The following PREX1 variants were observed in gnomAD, a reference collection of about 807,000 sequenced individuals.
The protein encoded by PREX1 is phosphatidylinositol 3,4,5-trisphosphate-dependent Rac exchanger 1 protein.
A neutral mutation model predicts 198.3 loss-of-function variants in PREX1; 41 were observed. That is an observed-to-expected ratio of 0.21 (90% confidence interval 0.16 to 0.27). PREX1 has a LOEUF of 0.27. PREX1 is among the 10% of genes least tolerant of loss of function. The pLI is 1.00. For missense variants in PREX1, 1,620 were observed against 2,200.7 expected (o/e 0.74, Z 5.28); for synonymous variants, 843 against 887.2 (o/e 0.95, Z 0.89).
the PREX1 span, among the ~76,000 whole-genome samples, chr20:48,867,012 C>T: frequency 7.9e-4 from 120 of 152,228 alleles, no homozygotes; most frequent in African/African-American, 2.7e-3. Flanking sequence ...CAGCTCCCCA[C>T]TTAGGGTTTA....
chr20:48,778,670 T>C (rs1364116258), intron 1 of PREX1, among the ~76,000 whole-genome samples: 1 of 152,018 alleles, frequency 6.6e-6, no homozygotes, highest in Non-Finnish European at 1.5e-5. Context: ...CACAGATCAA[T>C]GGAACAGAAA....
At chr20:48,649,915 G>T in intron 24 of PREX1, 81 bp downstream of exon 24, 1 of 1,503,352 alleles carries the variant, frequency 6.7e-7, no homozygotes, top group Non-Finnish European at 9.2e-7. Context: ...AGCCCTGGAC[G>T]GCTGACCTTC....
At chr20:48,688,930 C>T in intron 9 of PREX1, 126 bp from the exon 10 acceptor site, 1 of 1,050,508 alleles carries the variant, frequency 9.5e-7, no homozygotes, top group Non-Finnish European at 1.4e-6. Flanking sequence ...ACCTGCCCTC[C>T]ACCACCACCA....
intron 5 of PREX1, among the ~76,000 whole-genome samples, chr20:48,720,772 A>C (rs2122678982): frequency 6.6e-6 from 1 of 151,832 alleles, no homozygotes; most frequent in East Asian, 1.9e-4. Context: ...AGTCCATCCC[A>C]GGAGCGCGGA....
Position 48,666,426 on chromosome 20 carries a change from C to T in PREX1, c.1666-71G>A. 1 of 1,302,556 alleles carries T rather than the reference C, an allele frequency of 7.7e-7. No homozygotes were observed. Among genetic ancestry groups the T allele is most frequent in the African/African-American group, 1.5e-5 (1 of 68,232 alleles). 80.7% of individuals were successfully genotyped at this position (1,302,556 alleles called of 1,614,324 possible). On this transcript the variant is annotated intron_variant, in intron 14 of 39. Coordinates refer to ENST00000371941, the MANE Select transcript of PREX1 (RefSeq NM_020820.4). This position sits in a 1 kb window ranked among gnomAD's most constrained non-coding sequence, Gnocchi z 4.3. Reference sequence around the variant, plus strand: ...GAGGCCATGCATGGCCAACGAGAAGCCCACAACCACCCAAGAAGGTAGGCT... The same window carrying T: ...GAGGCCATGCATGGCCAACGAGAAGTCCACAACCACCCAAGAAGGTAGGCT...
At chr20:48,883,029 G>A in the PREX1 span, among the ~76,000 whole-genome samples, 1 of 151,338 alleles carries the variant, frequency 6.6e-6, no homozygotes, top group African/African-American at 2.4e-5. Context: ...AGCCTCCCGG[G>A]TTCAAGCGAC....
chr20:48,751,693 G>A (rs988687306), intron 1 of PREX1, among the ~76,000 whole-genome samples: 2 of 152,144 alleles, frequency 1.3e-5, no homozygotes, highest in Admixed American at 6.5e-5. Context: ...TCTCATCTCC[G>A]AAGCCTCCCT....
chr20:48,815,071 C>A (rs1410318513), intron 1 of PREX1, among the ~76,000 whole-genome samples: 2 of 152,172 alleles, frequency 1.3e-5, no homozygotes, highest in Admixed American at 6.5e-5. Flanking sequence ...ATAAAAGGAT[C>A]AATTCACCAG....
At chr20:48,779,085 G>A (rs2090276866) in intron 1 of PREX1, among the ~76,000 whole-genome samples, 1 of 152,068 alleles carries the variant, frequency 6.6e-6, no homozygotes, top group African/African-American at 2.4e-5. Flanking sequence ...CAGATGGGGA[G>A]AAAATATTTA....
At chr20:48,694,480 C>T (rs924775801) in intron 7 of PREX1, among the ~76,000 whole-genome samples, 10 of 152,156 alleles carry the variant, frequency 6.6e-5, no homozygotes, top group Admixed American at 2.0e-4. Flanking sequence ...GGAGGCAGGG[C>T]ACAGAGACAG....
At chr20:48,651,788 G>C (rs1251797502) in intron 21 of PREX1, among the ~76,000 whole-genome samples, 1 of 152,250 alleles carries the variant, frequency 6.6e-6, no homozygotes, top group African/African-American at 2.4e-5. Flanking sequence ...GGTCACACAA[G>C]CCATCCAAGG....
chr20:48,870,562 T>C, the PREX1 span, among the ~76,000 whole-genome samples: 37 of 152,300 alleles, frequency 2.4e-4, no homozygotes, highest in Non-Finnish European at 4.7e-4. Flanking sequence ...CCAATCTTAC[T>C]TGAGGGTGGT....
rs1391050186 is a variant in PREX1 at position 48,666,646 on chromosome 20, C to T, written c.1666-291G>A. On this transcript the variant is annotated intron_variant, in intron 14 of 39. Coordinates refer to ENST00000371941, the MANE Select transcript of PREX1 (RefSeq NM_020820.4). This position sits in a 1 kb window ranked among gnomAD's most constrained non-coding sequence, Gnocchi z 4.3. The stretch of plus-strand genomic sequence containing the variant: ...GTTCAAGCCATTCTCCTGCCTCAGC[C>T]TCCCGAGTAGCTGGGACTACAGGCA... Among the ~76,000 whole-genome samples, 1 of 152,210 alleles carries T rather than the reference C, an allele frequency of 6.6e-6. No individual in the cohort carries two copies. Among genetic ancestry groups the T allele is most frequent in the African/African-American group, 2.4e-5 (1 of 41,454 alleles).
intron 1 of PREX1, among the ~76,000 whole-genome samples, chr20:48,759,013 C>T (rs2090167336): frequency 6.6e-6 from 1 of 152,100 alleles, no homozygotes; most frequent in Non-Finnish European, 1.5e-5. Flanking sequence ...TCTCAGAAGC[C>T]CTCCCTACCC....
At chr20:48,747,694 G>T (rs2090115324) in intron 2 of PREX1, 115 bp downstream of exon 2, 2 of 1,195,412 alleles carry the variant, frequency 1.7e-6, no homozygotes, top group Middle Eastern at 2.7e-4. Context: ...GCGGCCAGCA[G>T]CCAGCGGGTG....
At chr20:48,842,319 C>G in the PREX1 span, among the ~76,000 whole-genome samples, 136 of 152,256 alleles carry the variant, frequency 8.9e-4, no homozygotes, top group African/African-American at 2.8e-3. Flanking sequence ...TTTCGGAAAG[C>G]CTTGATTAAT....
At position 48,684,958 on chromosome 20, in the gene PREX1, G is replaced by T. The variant is rs111523462; in HGVS notation, c.1335-3623C>A. Among the ~76,000 whole-genome samples, 1 of 152,210 alleles carries T rather than the reference G, an allele frequency of 6.6e-6. No individual in the cohort carries two copies. The highest frequency in any genetic ancestry group is 1.5e-5 in the Non-Finnish European group (1 of 68,034). On this transcript the variant is annotated intron_variant, in intron 10 of 39. Coordinates refer to ENST00000371941, the MANE Select transcript of PREX1 (RefSeq NM_020820.4). This position sits in a 1 kb window ranked among gnomAD's most constrained non-coding sequence, Gnocchi z 4.2. ...GGCTCTTGCTTGTCTTTCAGATCGT[G>T]GTTAAATGTCACTTCCCCTGAGAGG...
intron 15 of PREX1, among the ~76,000 whole-genome samples, chr20:48,665,048 C>T (rs1469312500): frequency 2.9e-5 from 4 of 138,326 alleles, no homozygotes; most frequent in South Asian, 2.5e-4. Context: ...CGACTCCAGA[C>T]GGCCTGAATT....
Position 48,688,550 on chromosome 20 carries a change from AGGATGGCTCCTGGGCAG to A in PREX1, c.1334+90_1334+106del. Reference sequence around the variant, plus strand: ...TTCAGGTCCTTTTGTCACTCTGCCCAGGATGGCTCCTGGGCAGGGCCAGGCTGCATGGGTGGATGGGG... The same window carrying A: ...TTCAGGTCCTTTTGTCACTCTGCCCAGGCCAGGCTGCATGGGTGGATGGGG... On this transcript the variant is annotated intron_variant, in intron 10 of 39. Coordinates refer to ENST00000371941, the MANE Select transcript of PREX1 (RefSeq NM_020820.4). 4 of 1,434,464 alleles carry A rather than the reference AGGATGGCTCCTGGGCAG, an allele frequency of 2.8e-6. No individual in the cohort carries two copies. In the South Asian group the frequency reaches 5.0e-5, roughly 18 times the overall value. The allele number at this position is 1,434,464 out of a possible 1,614,324, so 88.9% of individuals were successfully genotyped here.
Sources: allele counts gnomAD v4.1 joint callset (sites outside exome capture counted in the v4.1 genomes callset), GRCh38; gene constraint gnomAD v4.1.1; non-coding constraint Gnocchi (gnomAD v3.1); transcripts MANE v1.5; gene names NCBI Gene and HGNC (gene_info 2026-07-23, HGNC 2026-07-21).